PRTFDC1: variants seen among roughly 807,000 people sequenced by gnomAD.
The protein encoded by PRTFDC1 is phosphoribosyl transferase domain containing 1, also known as phosphoribosyltransferase domain-containing protein 1.
In PRTFDC1, 38 loss-of-function variants were observed where a neutral mutation model predicts 34.6. The ratio of observed to expected loss-of-function variants is 1.10; its 90% CI spans 0.85 to 1.44. PRTFDC1 has a LOEUF of 1.44. Ranked by LOEUF, PRTFDC1 falls within the 40% of genes most tolerant of loss-of-function variation. The pLI, the probability that PRTFDC1 is intolerant of heterozygous loss-of-function variation, is 0.00. For missense variants in PRTFDC1, 270 were observed against 283.0 expected (o/e 0.95, Z 0.33); for synonymous variants, 93 against 98.1 (o/e 0.95, Z 0.31).
chr10:24,849,212 A>G lies in PRTFDC1; in HGVS notation c.*632T>C, dbSNP rs933881161. The stretch of plus-strand genomic sequence containing the variant: ...CCGTCATCACATACCGGAAGCTCCA[A>G]TCAAGAGCCCCGAGCAAAGCTCGTT... On this transcript the variant is annotated 3_prime_UTR_variant, in exon 9 of 9. Coordinates refer to ENST00000320152, the MANE Select transcript of PRTFDC1 (RefSeq NM_020200.7). 4.6e-5 allele frequency: 7 copies of G among 152,680 alleles called. No individual in the cohort carries two copies. The highest frequency in any genetic ancestry group is 1.7e-4 in the African/African-American group (7 of 41,456). The allele number at this position is 152,680 out of a possible 1,614,324, so 9.5% of individuals were successfully genotyped here.
At chr10:24,904,090 G>T (rs1403009679) in intron 3 of PRTFDC1, among the ~76,000 whole-genome samples, 2 of 152,042 alleles carry the variant, frequency 1.3e-5, no homozygotes, top group African/African-American at 2.4e-5. Flanking sequence ...ACTGTAAACT[G>T]AAAATTTTAG....
chr10:24,850,770 T>C (rs1012001470), intron 8 of PRTFDC1, among the ~76,000 whole-genome samples: 3 of 152,136 alleles, frequency 2.0e-5, no homozygotes, highest in Non-Finnish European at 4.4e-5. Flanking sequence ...CATGGTGCTA[T>C]GGATACTCTC....
intron 1 of PRTFDC1, among the ~76,000 whole-genome samples, chr10:24,950,802 T>C (rs1849330715): frequency 6.6e-6 from 1 of 152,176 alleles, no homozygotes; most frequent in African/African-American, 2.4e-5. Flanking sequence ...GTTGCTTTAA[T>C]TGTTTTTTCC....
intron 6 of PRTFDC1, among the ~76,000 whole-genome samples, chr10:24,855,776 C>T (rs1847562778): frequency 6.6e-6 from 1 of 151,874 alleles, no homozygotes. Flanking sequence ...GCCTAGGTGA[C>T]AGAAAGAGAC....
intron 1 of PRTFDC1, chr10:24,951,509 TTC>T: frequency 3.1e-6 from 3 of 963,018 alleles, no homozygotes; most frequent in Non-Finnish European, 3.7e-6. Flanking sequence ...AACCTGACCC[TTC>T]TGTCTGAATG....
At chr10:24,878,461 C>T (rs1342655549) in intron 3 of PRTFDC1, among the ~76,000 whole-genome samples, 1 of 152,138 alleles carries the variant, frequency 6.6e-6, no homozygotes, top group Non-Finnish European at 1.5e-5. Flanking sequence ...GATCTGGCTG[C>T]ATCAGTGAAG....
chr10:24,894,329 CAAAAAA>C (rs199529794), intron 3 of PRTFDC1, among the ~76,000 whole-genome samples: 2 of 98,792 alleles, frequency 2.0e-5, no homozygotes, highest in Admixed American at 1.1e-4. Context: ...GACTCAATCT[CAAAAAA>C]AAAAAAAAAA....
intron 3 of PRTFDC1, among the ~76,000 whole-genome samples, chr10:24,872,731 TATATATATACAA>T (rs1847894499): frequency 1.4e-5 from 2 of 147,936 alleles, no homozygotes; most frequent in South Asian, 2.1e-4. Context: ...ACAAAATATA[TATATATATACAA>T]ATATATGTGC....
intron 3 of PRTFDC1, among the ~76,000 whole-genome samples, chr10:24,922,743 T>C (rs1002806617): frequency 1.3e-5 from 2 of 152,078 alleles, no homozygotes; most frequent in African/African-American, 4.8e-5. Context: ...AGAAGATGGG[T>C]GATTTCTGCA....
intron 3 of PRTFDC1, among the ~76,000 whole-genome samples, chr10:24,912,132 G>A (rs765496316): frequency 9.9e-5 from 15 of 151,512 alleles, no homozygotes; most frequent in African/African-American, 3.2e-4. Context: ...GGCCAGATAC[G>A]GTGGTGCATG....
In PRTFDC1 at chr10:24,934,214, A is replaced by AAAGAAG. The variant is rs57514580; in HGVS notation, c.339+2964_339+2969dup. On this transcript the variant is annotated intron_variant, in intron 3 of 8. Coordinates refer to ENST00000320152, the MANE Select transcript of PRTFDC1 (RefSeq NM_020200.7). ...TATATAATCAAATTCTACTGGACAC[A>AAAGAAG]AAGAAGAAGAAGAAGAAGAAGAAGA... is the stretch of plus-strand genomic sequence containing the variant. Among the ~76,000 whole-genome samples the AAAGAAG allele has an allele frequency of 3.2e-3, 470 of 146,740 alleles. 1 individual carries two copies. Among genetic ancestry groups the AAAGAAG allele is most frequent in the Middle Eastern group, 0.011 (3 of 282 alleles).
At chr10:24,871,892 A>C in intron 4 of PRTFDC1, 106 bp downstream of exon 4, 1 of 921,584 alleles carries the variant, frequency 1.1e-6, no homozygotes, top group Non-Finnish European at 1.6e-6. Flanking sequence ...TATGAATTGG[A>C]AAACCCGGGA....
At chr10:24,872,786 G>GTATA in intron 3 of PRTFDC1, among the ~76,000 whole-genome samples, 3 of 93,652 alleles carry the variant, frequency 3.2e-5, no homozygotes, top group African/African-American at 1.3e-4. Context: ...ATGTGTGTGT[G>GTATA]TGTATATATA....
chr10:24,897,055 C>T (rs535228921), intron 3 of PRTFDC1, among the ~76,000 whole-genome samples: 52 of 152,108 alleles, frequency 3.4e-4, no homozygotes, highest in Non-Finnish European at 6.3e-4. Context: ...ACAAAAAATA[C>T]AAAAATTTGC....
chr10:24,950,702 C>T (rs1849327974), intron 1 of PRTFDC1, among the ~76,000 whole-genome samples: 1 of 152,070 alleles, frequency 6.6e-6, no homozygotes, highest in Non-Finnish European at 1.5e-5. Flanking sequence ...CCCTCCCACC[C>T]TTCAAAGTTC....
At chr10:24,859,548 C>A (rs1277538854) in intron 4 of PRTFDC1, among the ~76,000 whole-genome samples, 2 of 152,196 alleles carry the variant, frequency 1.3e-5, no homozygotes, top group Non-Finnish European at 2.9e-5. Flanking sequence ...ACCCAGCCAC[C>A]TTCTGTCACA....
intron 3 of PRTFDC1, among the ~76,000 whole-genome samples, chr10:24,895,309 T>C (rs1441555651): frequency 7.8e-6 from 1 of 127,446 alleles, no homozygotes; most frequent in Non-Finnish European, 1.6e-5. Context: ...TGGAGTGCAA[T>C]GGCATGATCT....
At position 24,928,218 on chromosome 10, in the gene PRTFDC1, A is replaced by G. The variant is rs533467453; in HGVS notation, c.339+8966T>C. Among the ~76,000 whole-genome samples, 11 of 151,454 alleles carry G rather than the reference A, an allele frequency of 7.3e-5. No homozygotes were observed. The South Asian group carries it at 1.3e-3, about 17-fold the overall frequency. ...CTCTTCTAGTCCTTTATTTTCTTCT[A>G]TTTTCCTATTTCTTTATTTTTCCTC... On this transcript the variant is annotated intron_variant, in intron 3 of 8. Coordinates refer to ENST00000320152, the MANE Select transcript of PRTFDC1 (RefSeq NM_020200.7).
intron 3 of PRTFDC1, among the ~76,000 whole-genome samples, chr10:24,893,652 A>C (rs1365533720): frequency 6.6e-6 from 1 of 152,214 alleles, no homozygotes; most frequent in Non-Finnish European, 1.5e-5. Context: ...AGCTTATAAT[A>C]GTAATAATAA....
Sources: gnomAD v4.1 joint callset for allele counts (sites outside exome capture counted in the v4.1 genomes callset) on GRCh38, gnomAD v4.1.1 for gene constraint, MANE v1.5 for transcripts, NCBI Gene and HGNC (gene_info 2026-07-23, HGNC 2026-07-21) for gene names.